Variants in APBB2 observed in about 807,000 individuals in gnomAD.
APBB2 encodes the protein amyloid beta precursor protein binding family B member 2.
In APBB2, 38 loss-of-function variants were observed where a neutral mutation model predicts 82.5. The ratio of observed to expected loss-of-function variants is 0.46; its 90% confidence interval spans 0.36 to 0.60. The LOEUF is 0.60. Among genes scored for constraint, APBB2 ranks in the 20% least tolerant of loss-of-function variants. The pLI is 0.00. For missense variants in APBB2, 772 were observed against 972.3 expected (o/e 0.79, Z 2.74); for synonymous variants, 341 against 368.2 (o/e 0.93, Z 0.85).
intron 12 of APBB2, among the ~76,000 whole-genome samples, chr4:40,862,568 G>A (rs1423267556): frequency 6.6e-6 from 1 of 152,098 alleles, no homozygotes; most frequent in Non-Finnish European, 1.5e-5. Context: ...TGATGGTGCC[G>A]GGCGGGTCCT....
At chr4:41,142,418 T>C (rs972086697) in intron 2 of APBB2, among the ~76,000 whole-genome samples, 2 of 152,216 alleles carry the variant, frequency 1.3e-5, no homozygotes, top group African/African-American at 4.8e-5. Flanking sequence ...AGTATCTTAA[T>C]GCCAAATGCA....
At chr4:40,844,327 T>C (rs1261188207) in intron 12 of APBB2, among the ~76,000 whole-genome samples, 1 of 152,188 alleles carries the variant, frequency 6.6e-6, no homozygotes, top group Non-Finnish European at 1.5e-5. Context: ...GGACACCTGC[T>C]CATGCTCATA....
At chr4:41,020,028 A>G (rs1811057588) in intron 5 of APBB2, among the ~76,000 whole-genome samples, 1 of 152,186 alleles carries the variant, frequency 6.6e-6, no homozygotes. Context: ...AGAAGGAAAG[A>G]GAGGAAGAGA....
chr4:40,973,124 C>T (rs559732608), intron 6 of APBB2, among the ~76,000 whole-genome samples: 2 of 152,280 alleles, frequency 1.3e-5, no homozygotes, highest in South Asian at 2.1e-4. Flanking sequence ...CCTTCCAGAT[C>T]GACCCTCCCT....
intron 3 of APBB2, among the ~76,000 whole-genome samples, chr4:41,070,222 T>C (rs1223115546): frequency 1.3e-5 from 2 of 152,200 alleles, no homozygotes; most frequent in South Asian, 2.1e-4. Context: ...AGTCCTAATA[T>C]ATATTTCTAT....
chr4:40,969,132 T>C (rs1033895085), intron 6 of APBB2, among the ~76,000 whole-genome samples: 7 of 152,246 alleles, frequency 4.6e-5, no homozygotes, highest in Admixed American at 1.3e-4. Flanking sequence ...GTCTCAGATA[T>C]GTCTTTTTCA....
At chr4:40,916,311 G>A (rs981030163) in intron 10 of APBB2, among the ~76,000 whole-genome samples, 2 of 151,292 alleles carry the variant, frequency 1.3e-5, no homozygotes, top group Non-Finnish European at 2.9e-5. Flanking sequence ...GGCTAGACCT[G>A]AAGACAGACA....
Position 40,895,515 on chromosome 4 carries a change from G to C in APBB2, c.1255-2104C>G, listed in dbSNP as rs140401635. Among the ~76,000 whole-genome samples, 621 of 152,162 alleles carry C rather than the reference G, an allele frequency of 4.1e-3. 3 individuals are homozygous for C. The highest frequency in any genetic ancestry group is 0.014 in the African/African-American group (571 of 41,512). On this transcript the variant is annotated intron_variant, in intron 10 of 17. Transcript: ENST00000508593. The stretch of plus-strand genomic sequence containing the variant: ...TCTTGCCTGGCCTGCCTGCCCCTCC[G>C]CAGCTCTGCTCCCTCAGTCTCAGAC...
In APBB2 at chr4:40,810,173, CTATTTT is replaced by C; in HGVS notation, c.*5913_*5918del. ...TTAGGTCTACTTCAGCTCTGATATT[CTATTTT>C]TACTTTCTTACTTGAAGTGAGAAAA... On this transcript the variant is annotated 3_prime_UTR_variant, in exon 18 of 18. Transcript: ENST00000508593. The C allele has an allele frequency of 6.6e-6, 1 of 152,284 alleles. No individual in the cohort carries two copies. The highest frequency in any genetic ancestry group is 2.1e-4 in the South Asian group (1 of 4,826). 9.4% of individuals were successfully genotyped at this position (152,284 alleles called of 1,614,324 possible).
intron 12 of APBB2, among the ~76,000 whole-genome samples, chr4:40,853,833 C>T (rs1760268745): frequency 6.6e-6 from 1 of 152,178 alleles, no homozygotes; most frequent in Non-Finnish European, 1.5e-5. Flanking sequence ...AATGTTGCCT[C>T]CTAGGACAGG....
At chr4:41,057,960 A>G (rs1728418152) in intron 4 of APBB2, among the ~76,000 whole-genome samples, 1 of 152,130 alleles carries the variant, frequency 6.6e-6, no homozygotes. Flanking sequence ...TCTCACACAC[A>G]TGGGACCCTT....
At chr4:40,869,039 T>C (rs1328772198) in intron 12 of APBB2, among the ~76,000 whole-genome samples, 3 of 152,104 alleles carry the variant, frequency 2.0e-5, no homozygotes. Context: ...ATTTTTTTTT[T>C]CTTCTTTGAG....
chr4:40,930,667 A>G (rs1272325346), intron 10 of APBB2, among the ~76,000 whole-genome samples: 1 of 152,094 alleles, frequency 6.6e-6, no homozygotes. Context: ...AGTAAGGAAG[A>G]TATTTTCTAT....
intron 10 of APBB2, among the ~76,000 whole-genome samples, chr4:40,925,244 C>A (rs758094054): frequency 6.6e-6 from 1 of 152,112 alleles, no homozygotes; most frequent in Non-Finnish European, 1.5e-5. Context: ...AGTATAATGG[C>A]GAATGCATAA....
intron 2 of APBB2, among the ~76,000 whole-genome samples, chr4:41,118,777 G>C (rs1023842667): frequency 3.3e-5 from 5 of 152,118 alleles, no homozygotes; most frequent in Admixed American, 2.0e-4. Context: ...GAGAAAGGGA[G>C]GTGAGGGAGT....
At chr4:41,110,379 T>G (rs1748756987) in intron 2 of APBB2, among the ~76,000 whole-genome samples, 1 of 151,708 alleles carries the variant, frequency 6.6e-6, no homozygotes, top group Non-Finnish European at 1.5e-5. Context: ...CTGAGGAGGG[T>G]AGATCATGAG....
chr4:40,913,921 G>T (rs1779193671), intron 10 of APBB2, among the ~76,000 whole-genome samples: 1 of 152,200 alleles, frequency 6.6e-6, no homozygotes, highest in Admixed American at 6.5e-5. Context: ...TGAGTTGAAG[G>T]TCAACGGATC....
intron 6 of APBB2, among the ~76,000 whole-genome samples, chr4:40,982,231 AAAGAAAGAAAGAAAG>A (rs1376955277): frequency 1.1e-3 from 7 of 6,468 alleles, no homozygotes; most frequent in Admixed American, 1.8e-3. Context: ...GGAAAGAAAG[AAAGAAAGAAAGAAAG>A]AAAGAAAGAA....
intron 3 of APBB2, among the ~76,000 whole-genome samples, chr4:41,074,992 T>C (rs961583347): frequency 2.0e-5 from 3 of 151,942 alleles, no homozygotes; most frequent in African/African-American, 7.2e-5. Flanking sequence ...CCACAAAAAA[T>C]TATCTGGCCA....
Sources: gnomAD v4.1 joint callset for allele counts (sites outside exome capture counted in the v4.1 genomes callset) on GRCh38, gnomAD v4.1.1 for gene constraint, MANE v1.5 for transcripts, NCBI Gene and HGNC (gene_info 2026-07-23, HGNC 2026-07-21) for gene names.